EEF1A1: variants seen among roughly 807,000 people sequenced by gnomAD.
EEF1A1 encodes eukaryotic translation elongation factor 1 alpha 1, also known as elongation factor 1-alpha 1.
EEF1A1 carries 1 observed loss-of-function variant against 38.5 expected under a neutral mutation model. The observed-to-expected ratio is 0.03, with a 90% confidence interval of 0.01 to 0.12. EEF1A1 has a LOEUF of 0.12. Ranked by LOEUF, EEF1A1 falls within the 10% of genes least tolerant of loss-of-function variation. EEF1A1 has a pLI of 1.00. For synonymous variants in EEF1A1, 229 were observed against 203.7 expected, an observed-to-expected ratio of 1.12 and a Z score of -1.06; for missense variants, 184 against 588.3, an observed-to-expected ratio of 0.31 and a Z score of 7.11.
chr6:73,520,520 G>A (rs1765628735), intron 1 of EEF1A1: 1 of 153,202 alleles, frequency 6.5e-6, no homozygotes, highest in East Asian at 1.9e-4. Flanking sequence ...CACCAGAGCA[G>A]GCCGGCCAGC....
In EEF1A1 at chr6:73,517,605, T is replaced by C; in HGVS notation, c.*205A>G. 2.3e-6 allele frequency: 1 copy of C among 437,026 alleles called. No homozygotes were observed. The allele number at this position is 437,026 out of a possible 1,614,324, so 27.1% of individuals were successfully genotyped here. A position where few individuals can be genotyped will look rare whatever the true frequency, so the allele number is the denominator to read the frequency against. On this transcript the variant is annotated 3_prime_UTR_variant, in exon 8 of 8. Coordinates refer to ENST00000309268, the MANE Select transcript of EEF1A1 (RefSeq NM_001402.6). ...ATTAAAAAGTACTGATTTTAAAAAC[T>C]AATAACTTAAAACTGCCACACGCAA...
Position 73,517,696 on chromosome 6 carries a change from T to C in EEF1A1, c.*114A>G, listed in dbSNP as rs1429203763. On this transcript the variant is annotated 3_prime_UTR_variant, in exon 8 of 8. Transcript: ENST00000309268. ...TTCTGAAGGTTTTACGATGCATTGT[T>C]ATCATTAACCAGTCTTTTACTACTA... is the stretch of plus-strand genomic sequence containing the variant. 27 of 570,436 alleles carry C rather than the reference T, an allele frequency of 4.7e-5. No individual in the cohort carries two copies. Among genetic ancestry groups the C allele is most frequent in the Non-Finnish European group, 8.2e-5 (27 of 328,008 alleles). The allele number at this position is 570,436 out of a possible 1,614,324, so 35.3% of individuals were successfully genotyped here.
At position 73,516,308 on chromosome 6, in the gene EEF1A1, G is replaced by C. The variant is rs1384297124; in HGVS notation, c.*1502C>G. Reference sequence around the variant, plus strand: ...CTTGGGCTGCTTTAACTCCTGCTTAGCATGTCCTTAAGAACACATGTCCTG... The same window carrying C: ...CTTGGGCTGCTTTAACTCCTGCTTACCATGTCCTTAAGAACACATGTCCTG... On this transcript the variant is annotated 3_prime_UTR_variant, in exon 8 of 8. Transcript: ENST00000309268. 2.0e-5 allele frequency: 3 copies of C among 152,156 alleles called. No homozygotes were observed. Among genetic ancestry groups the C allele is most frequent in the Non-Finnish European group, 2.9e-5 (2 of 68,056 alleles). 9.4% of individuals were successfully genotyped at this position (152,156 alleles called of 1,614,324 possible).
chr6:73,520,186 C>G (rs1440922177), intron 1 of EEF1A1, 130 bp from the exon 2 acceptor site: 34 of 818,670 alleles, frequency 4.2e-5, no homozygotes. Context: ...CAGTCTCCAC[C>G]CACTCAGTGT....
Position 73,517,841 on chromosome 6 carries a change from T to C in EEF1A1, c.1358A>G (p.Lys453Arg). ...KKAAGAGKVT[K>R]SAQKAQKAK Reference sequence around the variant, plus strand: ...AGCCTTCTGAGCTTTCTGGGCAGACTTGGTGACCTTGCCAGCTCCAGCAGC... The same window carrying C: ...AGCCTTCTGAGCTTTCTGGGCAGACCTGGTGACCTTGCCAGCTCCAGCAGC... Residue 453 changes from lysine (K) to arginine (R), a missense_variant, in exon 8 of 8, where the codon AAG becomes AGG. By Grantham distance (26) the Lys-to-Arg change is conservative. Transcript: ENST00000309268. 2 of 1,593,876 alleles carry C rather than the reference T, an allele frequency of 1.3e-6. No individual in the cohort carries two copies. Among genetic ancestry groups the C allele is most frequent in the Middle Eastern group, 2.2e-4 (1 of 4,636 alleles).
In EEF1A1 at chr6:73,517,221, G is replaced by GT. The variant is rs1379822301; in HGVS notation, c.*588dup. On this transcript the variant is annotated 3_prime_UTR_variant, in exon 8 of 8. Transcript: ENST00000309268. Reference sequence around the variant, plus strand: ...GTTTCCAAAGATTCACTTAACATTGGTTTAGCAACATGAAGCTTTCTATGC... The same window carrying GT: ...GTTTCCAAAGATTCACTTAACATTGGTTTTAGCAACATGAAGCTTTCTATGC... The GT allele has an allele frequency of 6.6e-6, 1 of 152,194 alleles. No homozygotes were observed. The highest frequency in any genetic ancestry group is 1.5e-5 in the Non-Finnish European group (1 of 68,090). 9.4% of individuals were successfully genotyped at this position (152,194 alleles called of 1,614,324 possible).
At chr6:73,518,311 A>C (rs1399355446) in intron 6 of EEF1A1, 43 bp downstream of exon 6, 2 of 1,611,596 alleles carry the variant, frequency 1.2e-6, no homozygotes, top group South Asian at 2.2e-5. Flanking sequence ...GTCTCAAATG[A>C]CTTTAGCCTC....
intron 1 of EEF1A1, 108 bp from the exon 2 acceptor site, chr6:73,520,164 C>T (rs767764040): frequency 2.8e-6 from 3 of 1,077,444 alleles, no homozygotes; most frequent in Non-Finnish European, 3.9e-6. Flanking sequence ...AAGTGCCAAG[C>T]TGGCCTAACT....
intron 2 of EEF1A1, 39 bp from the exon 3 acceptor site, chr6:73,519,555 CA>C: frequency 6.5e-7 from 1 of 1,545,624 alleles, no homozygotes; most frequent in Non-Finnish European, 8.7e-7. Flanking sequence ...TACTAAAACA[CA>C]AACTCCAGCT....
In EEF1A1 at chr6:73,516,217, G is replaced by A. The variant is rs1318927168; in HGVS notation, c.*1593C>T. 1 of 152,142 alleles carries A rather than the reference G, an allele frequency of 6.6e-6. No homozygotes were observed. The highest frequency in any genetic ancestry group is 2.4e-5 in the African/African-American group (1 of 41,398). 9.4% of individuals were successfully genotyped at this position (152,142 alleles called of 1,614,324 possible). On this transcript the variant is annotated 3_prime_UTR_variant, in exon 8 of 8. Transcript: ENST00000309268. ...AACACTTCATTACAGACTTGTCTAT[G>A]GCCAATTCAAGTACCTTTGAATCTT... is the stretch of plus-strand genomic sequence containing the variant.
chr6:73,519,300 TG>T, intron 3 of EEF1A1, 36 bp downstream of exon 3: 1 of 1,606,730 alleles, frequency 6.2e-7, no homozygotes, highest in South Asian at 1.1e-5. Context: ...GCAAGCCTTT[TG>T]GGATAAAGAA....
chr6:73,518,075 C>T lies in EEF1A1; in HGVS notation c.1219G>A (p.Gly407Ser). ...AAGCTCTCAACACACATGGGCTTGC[C>T]AGGAACCATATCAACAATGGCAGCA... ...GDAAIVDMVPGKPMCVESFSD... is the reference protein window; with the variant it reads ...GDAAIVDMVPSKPMCVESFSD... Residue 407 changes from glycine (G) to serine (S), a missense_variant, in exon 7 of 8, where the codon GGC becomes AGC. This residue lies in a region of EEF1A1 where 81 missense variants were observed against 286.3 expected (regional missense o/e 0.28). Coordinates refer to ENST00000309268, the MANE Select transcript of EEF1A1 (RefSeq NM_001402.6). 1 of 1,586,354 alleles carries T rather than the reference C, an allele frequency of 6.3e-7. No individual in the cohort carries two copies. The highest frequency in any genetic ancestry group is 8.6e-7 in the Non-Finnish European group (1 of 1,166,044).
rs1196944805 is a variant in EEF1A1, at chr6:73,517,649, TC to T, written c.*160del. On this transcript the variant is annotated 3_prime_UTR_variant, in exon 8 of 8. Transcript: ENST00000309268. ...CACGCAAAAAAGAAAACCAAAGTGG[TC>T]CACAAAACATTCTCCTTTCCTTCTG... is the stretch of plus-strand genomic sequence containing the variant. 1 of 447,948 alleles carries T rather than the reference TC, an allele frequency of 2.2e-6. No homozygotes were observed. The highest frequency in any genetic ancestry group is 3.9e-6 in the Non-Finnish European group (1 of 253,908). The allele number at this position is 447,948 out of a possible 1,614,324, so 27.7% of individuals were successfully genotyped here.
At chr6:73,520,165 T>A (rs750635548) in intron 1 of EEF1A1, 109 bp from the exon 2 acceptor site, 2 of 1,073,158 alleles carry the variant, frequency 1.9e-6, no homozygotes, top group Non-Finnish European at 2.6e-6. Flanking sequence ...AGTGCCAAGC[T>A]GGCCTAACTT....
chr6:73,517,988 A>C (rs368386743), intron 7 of EEF1A1, 42 bp downstream of exon 7: 56 of 1,612,132 alleles, frequency 3.5e-5, no homozygotes, highest in Non-Finnish European at 4.8e-5. Context: ...TGTATTTTTC[A>C]TCTTTAACAC....
At chr6:73,518,639 C>T (rs542808392) in intron 5 of EEF1A1, 29 bp from the exon 6 acceptor site, 3 of 1,612,852 alleles carry the variant, frequency 1.9e-6, no homozygotes, top group South Asian at 2.2e-5. Context: ...TACTAAATAC[C>T]TATGAAGGCA....
At chr6:73,520,137 C>CAT in intron 1 of EEF1A1, 81 bp from the exon 2 acceptor site, 1 of 1,364,242 alleles carries the variant, frequency 7.3e-7, no homozygotes, top group Non-Finnish European at 9.9e-7. Flanking sequence ...AGGGCAAATT[C>CAT]CAAGGAGAAT....
Position 73,519,379 on chromosome 6 carries a change from T to C in EEF1A1, c.282A>G (p.Gly94=), listed in dbSNP as rs1468994247. The part of the protein sequence containing the change: ...KYYVTIIDAP[G]HRDFIKNMIT... ...TCATGTTTTTGATAAAGTCTCTGTG[T>C]CCTGGGGCATCAATGATAGTCACAT... The change falls in exon 3 of 8, where the codon GGA becomes GGG. Residue 94 remains glycine (G), a synonymous_variant. Coordinates refer to ENST00000309268, the MANE Select transcript of EEF1A1 (RefSeq NM_001402.6). 6.2e-7 allele frequency: 1 copy of C among 1,612,416 alleles called. No homozygotes were observed. Among genetic ancestry groups the C allele is most frequent in the Non-Finnish European group, 8.5e-7 (1 of 1,179,618 alleles).
At chr6:73,519,624 A>G in intron 2 of EEF1A1, 108 bp from the exon 3 acceptor site, 1 of 1,326,310 alleles carries the variant, frequency 7.5e-7, no homozygotes, top group South Asian at 1.5e-5. Context: ...CTCCAAGTCC[A>G]AAGTGATTTT....
Sources: gnomAD v4.1 joint callset for allele counts on GRCh38, gnomAD v4.1.1 for gene constraint, gnomAD v4.1.1 regional missense constraint, MANE v1.5 for transcripts, NCBI Gene and HGNC (gene_info 2026-07-23, HGNC 2026-07-21) for gene names.